The following ANO4 variants were observed in gnomAD, a reference collection of about 807,000 sequenced individuals.
ANO4 encodes anoctamin 4.
In ANO4, 69 loss-of-function variants were observed where a neutral mutation model predicts 141.9. That is an observed-to-expected ratio of 0.49 (90% CI 0.40 to 0.59). The LOEUF is 0.59. ANO4 is among the 20% of genes least tolerant of loss of function. ANO4 has a pLI of 0.00. For missense variants in ANO4, 894 were observed against 1,162.2 expected (o/e 0.77, Z 3.36); for synonymous variants, 350 against 394.3 (o/e 0.89, Z 1.33).
intron 3 of ANO4, among the ~76,000 whole-genome samples, chr12:100,773,043 A>G (rs1377036075): frequency 1.3e-5 from 2 of 152,200 alleles, no homozygotes; most frequent in African/African-American, 4.8e-5. Flanking sequence ...TAAACTGACC[A>G]GCTTATGAAC....
chr12:101,025,884 C>T (rs903540971), intron 9 of ANO4, among the ~76,000 whole-genome samples: 1 of 152,150 alleles, frequency 6.6e-6, no homozygotes, highest in Non-Finnish European at 1.5e-5. Flanking sequence ...ACATCCATTA[C>T]AGATAAAAAC....
intron 3 of ANO4, among the ~76,000 whole-genome samples, chr12:100,932,293 T>A (rs2042114160): frequency 6.6e-6 from 1 of 152,118 alleles, no homozygotes; most frequent in Non-Finnish European, 1.5e-5. Context: ...GAGCAATGAA[T>A]CAAAGTCTTT....
chr12:101,004,153 G>A (rs2045772758), intron 8 of ANO4, among the ~76,000 whole-genome samples: 1 of 151,854 alleles, frequency 6.6e-6, no homozygotes, highest in Non-Finnish European at 1.5e-5. Flanking sequence ...ATACTGTGGG[G>A]GAAGTGAAGA....
chr12:101,020,299 G>A (rs1238590360), intron 9 of ANO4, among the ~76,000 whole-genome samples, 159 bp downstream of exon 9: 2 of 152,066 alleles, frequency 1.3e-5, no homozygotes, highest in Admixed American at 6.6e-5. Context: ...TAAAATCTTC[G>A]TCGCATCCTT....
intron 14 of ANO4, among the ~76,000 whole-genome samples, chr12:101,076,986 G>A (rs1362426984): frequency 6.6e-6 from 1 of 152,188 alleles, no homozygotes; most frequent in Non-Finnish European, 1.5e-5. Flanking sequence ...GGTGGCCCTT[G>A]GCTGGTGTCT....
chr12:100,919,710 ATGTATGTATGTATGTG>A lies in ANO4; in HGVS notation c.56-2502_56-2487del, dbSNP rs1338655858. ...TGTGTGTGTGTGTGTGTGTGTATGTATGTATGTATGTATGTGTGTATGTATGTATCTATCTATCTAT... is the reference window on the plus strand; with the variant it reads ...TGTGTGTGTGTGTGTGTGTGTATGTATGTATGTATGTATCTATCTATCTAT... On this transcript the variant is annotated intron_variant, in intron 2 of 27. Coordinates refer to ENST00000392977, the MANE Select transcript of ANO4 (RefSeq NM_001286615.2). Among the ~76,000 whole-genome samples, 853 of 140,694 alleles carry A rather than the reference ATGTATGTATGTATGTG, an allele frequency of 6.1e-3. 4 individuals are homozygous for A. Among genetic ancestry groups the A allele is most frequent in the African/African-American group, 0.022 (789 of 36,552 alleles). 92.3% of individuals were successfully genotyped at this position (140,694 alleles called of 152,430 possible). A position where few individuals can be genotyped will look rare whatever the true frequency, so the allele number is the denominator to read the frequency against.
chr12:100,988,193 G>A (rs2044811525), intron 8 of ANO4, among the ~76,000 whole-genome samples: 1 of 152,164 alleles, frequency 6.6e-6, no homozygotes. Flanking sequence ...CTGTCAGATT[G>A]TCTCAGAATG....
intron 14 of ANO4, among the ~76,000 whole-genome samples, chr12:101,062,478 C>T (rs2048391539): frequency 6.6e-6 from 1 of 152,164 alleles, no homozygotes; most frequent in African/African-American, 2.4e-5. Context: ...CTGAAGCTGC[C>T]CCGACAGCCA....
At chr12:100,895,148 G>T (rs1407476309) in intron 1 of ANO4, among the ~76,000 whole-genome samples, 1 of 147,820 alleles carries the variant, frequency 6.8e-6, no homozygotes, top group African/African-American at 2.5e-5. Context: ...CCTTCTACAG[G>T]TTTTTTTTTT....
chr12:101,107,918 G>A (rs575665452), intron 22 of ANO4, among the ~76,000 whole-genome samples: 249 of 152,272 alleles, frequency 1.6e-3, no homozygotes, highest in Middle Eastern at 3.4e-3. Context: ...AGACATTTTT[G>A]AAGAGTAATT....
chr12:101,025,828 A>G (rs11614882), intron 9 of ANO4, among the ~76,000 whole-genome samples: 34,719 of 152,146 alleles, frequency 0.23, 4,245 homozygotes, highest in Non-Finnish European at 0.28. Flanking sequence ...AAGAAAAACC[A>G]TATGTTCATA....
intron 8 of ANO4, among the ~76,000 whole-genome samples, chr12:101,016,360 G>T (rs557336622): frequency 2.0e-5 from 3 of 152,028 alleles, no homozygotes; most frequent in South Asian, 4.2e-4. Flanking sequence ...GAAGTGGGGA[G>T]CCACACTCTT....
At chr12:100,772,641 C>T (rs2135555748) in intron 3 of ANO4, among the ~76,000 whole-genome samples, 1 of 152,326 alleles carries the variant, frequency 6.6e-6, no homozygotes, top group African/African-American at 2.4e-5. Flanking sequence ...GACGCAGCTG[C>T]AGATCCCAAG....
chr12:101,080,900 T>TATATCTATATATAC (rs1194122665), intron 15 of ANO4, among the ~76,000 whole-genome samples: 1 of 131,042 alleles, frequency 7.6e-6, no homozygotes, highest in Admixed American at 8.2e-5. Flanking sequence ...TATATATATA[T>TATATCTATATATAC]ACATACACAT....
intron 14 of ANO4, chr12:101,068,619 T>C (rs2048689527): frequency 2.9e-6 from 4 of 1,399,168 alleles, no homozygotes; most frequent in Non-Finnish European, 4.0e-6. Flanking sequence ...TCCTTTTTAC[T>C]GGAGTTAAGG....
rs138693114 is a variant in ANO4, at chr12:100,943,076, T to TGAA, written c.456+542_456+543insAAG. Among the ~76,000 whole-genome samples, 757 of 152,320 alleles carry TGAA rather than the reference T, an allele frequency of 5.0e-3. 4 individuals are homozygous for TGAA. Among genetic ancestry groups the TGAA allele is most frequent in the African/African-American group, 0.017 (716 of 41,576 alleles). Reference sequence around the variant, plus strand: ...AGCTCAAGAGTGCCTTACCAGTGTTTGGTTCTTCCCCTTCCTTCCTTCTCT... The same window carrying TGAA: ...AGCTCAAGAGTGCCTTACCAGTGTTTGAAGGTTCTTCCCCTTCCTTCCTTCTCT... On this transcript the variant is annotated intron_variant, in intron 5 of 27. Coordinates refer to ENST00000392977, the MANE Select transcript of ANO4 (RefSeq NM_001286615.2).
intron 22 of ANO4, among the ~76,000 whole-genome samples, chr12:101,106,162 T>A (rs1216506438): frequency 6.6e-6 from 1 of 151,958 alleles, no homozygotes; most frequent in Non-Finnish European, 1.5e-5. Flanking sequence ...AGTAAATTAG[T>A]GAACTTGAAG....
At chr12:101,025,166 A>T (rs2046681668) in intron 9 of ANO4, among the ~76,000 whole-genome samples, 1 of 152,240 alleles carries the variant, frequency 6.6e-6, no homozygotes, top group African/African-American at 2.4e-5. Flanking sequence ...CACCTGAAAC[A>T]ATCACAAAAG....
At position 101,011,318 on chromosome 12, in the gene ANO4, C is replaced by CTTTTT. The variant is rs59483191; in HGVS notation, c.735-8703_735-8699dup. Among the ~76,000 whole-genome samples the CTTTTT allele has an allele frequency of 1.8e-5, 2 of 110,688 alleles. 1 individual carries two copies. The highest frequency in any genetic ancestry group is 6.7e-5 in the African/African-American group (2 of 30,048). The allele number at this position is 110,688 out of a possible 152,430, so 72.6% of individuals were successfully genotyped here. A position where few individuals can be genotyped will look rare whatever the true frequency, so the allele number is the denominator to read the frequency against. On this transcript the variant is annotated intron_variant, in intron 8 of 27. Coordinates refer to ENST00000392977, the MANE Select transcript of ANO4 (RefSeq NM_001286615.2). ...CATAGGAGGAATCATGGCCTTTTTT[C>CTTTTT]TTTTTTTTTTTTTTTTTGCAATCTA...
Sources: gnomAD v4.1 joint callset for allele counts (sites outside exome capture counted in the v4.1 genomes callset) on GRCh38, gnomAD v4.1.1 for gene constraint, MANE v1.5 for transcripts, NCBI Gene and HGNC (gene_info 2026-07-23, HGNC 2026-07-21) for gene names.